Variants in LTBP1 observed in about 807,000 individuals in gnomAD.
LTBP1 encodes the protein latent-transforming growth factor beta-binding protein 1.
LTBP1 carries 129 observed loss-of-function variants against 207.6 expected under a neutral mutation model. The observed-to-expected ratio is 0.62, with a 90% CI of 0.54 to 0.72. The LOEUF (loss-of-function observed/expected upper bound fraction) is 0.72, where lower values mean the gene tolerates loss of function less well. LTBP1 is among the 30% of genes least tolerant of loss of function. LTBP1 has a pLI of 0.00. For synonymous variants in LTBP1, 963 were observed against 833.7 expected, an observed-to-expected ratio of 1.16 and a Z score of -2.67; for missense variants, 2,281 against 2,217.2, an observed-to-expected ratio of 1.03 and a Z score of -0.58.
chr2:33,176,854 C>T (rs1475983968), intron 5 of LTBP1, among the ~76,000 whole-genome samples: 1 of 152,128 alleles, frequency 6.6e-6, no homozygotes, highest in Non-Finnish European at 1.5e-5. Flanking sequence ...TTTGCTTTCC[C>T]TTTTATATGT....
intron 5 of LTBP1, among the ~76,000 whole-genome samples, chr2:33,171,417 G>T (rs1465347736): frequency 2.0e-5 from 3 of 147,190 alleles, no homozygotes; most frequent in Non-Finnish European, 3.0e-5. Flanking sequence ...AGTGATGGAA[G>T]ATGAAATGAA....
chr2:33,341,727 A>T (rs183552313), intron 24 of LTBP1, among the ~76,000 whole-genome samples: 7,147 of 88,864 alleles, frequency 0.08, 213 homozygotes, highest in Middle Eastern at 0.11. Context: ...AAAAAAAAAA[A>T]AAATATATAT....
chr2:33,026,335 G>A (rs1365767550), intron 3 of LTBP1, among the ~76,000 whole-genome samples: 2 of 152,058 alleles, frequency 1.3e-5, no homozygotes, highest in Non-Finnish European at 2.9e-5. Flanking sequence ...ACACAACACA[G>A]TCTTTGATCT....
intron 3 of LTBP1, chr2:33,063,138 G>A (rs755449003): frequency 6.6e-6 from 1 of 151,906 alleles, no homozygotes; most frequent in Non-Finnish European, 1.5e-5. Flanking sequence ...CCTCAATTTT[G>A]TTCTGCATTT....
At chr2:33,052,001 G>T (rs1337869740) in intron 3 of LTBP1, among the ~76,000 whole-genome samples, 1 of 152,234 alleles carries the variant, frequency 6.6e-6, no homozygotes, top group Non-Finnish European at 1.5e-5. Flanking sequence ...GTGCAAAGCT[G>T]GGAGTCAGCA....
At chr2:33,208,091 C>G (rs144344872) in intron 7 of LTBP1, among the ~76,000 whole-genome samples, 1 of 152,312 alleles carries the variant, frequency 6.6e-6, no homozygotes, top group Non-Finnish European at 1.5e-5. Flanking sequence ...ATTAACATTC[C>G]TCATCCAGAT....
At chr2:33,217,038 A>G (rs950943969) in intron 7 of LTBP1, among the ~76,000 whole-genome samples, 4 of 152,188 alleles carry the variant, frequency 2.6e-5, no homozygotes, top group African/African-American at 7.2e-5. Context: ...TGGCCCAGCC[A>G]GTAATTGTTT....
intron 2 of LTBP1, among the ~76,000 whole-genome samples, chr2:32,986,280 G>A (rs1233547525): frequency 6.6e-6 from 1 of 152,172 alleles, no homozygotes; most frequent in African/African-American, 2.4e-5. Context: ...AGAGGTGAAT[G>A]CAGAGGCAGC....
intron 22 of LTBP1, among the ~76,000 whole-genome samples, chr2:33,306,389 G>T (rs1242697239): frequency 1.3e-5 from 2 of 151,990 alleles, no homozygotes; most frequent in African/African-American, 4.8e-5. Context: ...GGCCAACATG[G>T]TAAAACCCCA....
At chr2:32,984,432 T>C (rs1351254100) in intron 2 of LTBP1, among the ~76,000 whole-genome samples, 1 of 152,218 alleles carries the variant, frequency 6.6e-6, no homozygotes, top group Non-Finnish European at 1.5e-5. Flanking sequence ...TTTTCAAAAA[T>C]AGGAGAGCAA....
chr2:33,215,935 G>A (rs986392531), intron 7 of LTBP1, among the ~76,000 whole-genome samples: 7 of 151,868 alleles, frequency 4.6e-5, no homozygotes, highest in East Asian at 3.9e-4. Flanking sequence ...GAATGGTCTC[G>A]ATCTCCTGAC....
chr2:33,253,634 C>G (rs1362340534), intron 11 of LTBP1, among the ~76,000 whole-genome samples: 2 of 152,114 alleles, frequency 1.3e-5, no homozygotes, highest in Admixed American at 6.5e-5. Context: ...AAGATGCTTT[C>G]TACCTAGGAA....
intron 3 of LTBP1, among the ~76,000 whole-genome samples, chr2:33,071,813 C>G (rs913076923): frequency 2.6e-5 from 4 of 152,304 alleles, no homozygotes; most frequent in Admixed American, 2.0e-4. Context: ...GGGACCTAAG[C>G]TGACAAAGCA....
At chr2:33,275,722 T>G (rs2093412310) in intron 17 of LTBP1, 79 bp from the exon 18 acceptor site, 371 of 1,547,526 alleles carry the variant, frequency 2.4e-4, no homozygotes, top group Non-Finnish European at 2.9e-4. Flanking sequence ...TTATTATATT[T>G]GAGCTAAGCT....
intron 21 of LTBP1, 21 bp downstream of exon 21, chr2:33,300,594 A>C (rs1318394388): frequency 6.2e-7 from 1 of 1,602,772 alleles, no homozygotes; most frequent in African/African-American, 1.3e-5. Context: ...AGTAACATGA[A>C]CTACTGAAAC....
intron 7 of LTBP1, among the ~76,000 whole-genome samples, chr2:33,205,142 C>G (rs1215929128): frequency 6.6e-6 from 1 of 152,204 alleles, no homozygotes; most frequent in Non-Finnish European, 1.5e-5. Context: ...AATGAATAAC[C>G]TATACTTGTC....
At chr2:32,962,047 T>C (rs958610949) in intron 2 of LTBP1, among the ~76,000 whole-genome samples, 1 of 152,258 alleles carries the variant, frequency 6.6e-6, no homozygotes, top group Admixed American at 6.5e-5. Context: ...ACACTTTTTT[T>C]AATAATGTGT....
chr2:33,117,728 C>T (rs79303751), intron 4 of LTBP1, among the ~76,000 whole-genome samples: 1,566 of 152,184 alleles, frequency 0.01, 18 homozygotes, highest in East Asian at 0.016. Context: ...TGAGAGCACC[C>T]ATTATGGGAT....
At chr2:33,321,146 G>A (rs2094347904) in intron 24 of LTBP1, among the ~76,000 whole-genome samples, 1 of 152,058 alleles carries the variant, frequency 6.6e-6, no homozygotes, top group East Asian at 1.9e-4. Flanking sequence ...TCTACTATTT[G>A]ATTGAAAAAT....
Sources: allele counts gnomAD v4.1 joint callset (sites outside exome capture counted in the v4.1 genomes callset), GRCh38; gene constraint gnomAD v4.1.1; transcripts MANE v1.5; gene names NCBI Gene and HGNC (gene_info 2026-07-23, HGNC 2026-07-21).